IL7: variants seen among roughly 807,000 people sequenced by gnomAD.
The protein encoded by IL7 is interleukin 7, also known as interleukin-7.
In IL7, 3 loss-of-function variants were observed where a neutral mutation model predicts 21.6. The observed-to-expected ratio is 0.14, with a 90% confidence interval of 0.06 to 0.36. The LOEUF is 0.36. IL7 is among the 10% of genes least tolerant of loss of function. The pLI is 1.00. For synonymous variants in IL7, 62 were observed against 68.1 expected (o/e 0.91, Z 0.44); for missense variants, 175 against 200.2 (o/e 0.87, Z 0.76).
chr8:78,689,474 A>C (rs1158796118), intron 3 of IL7: 3 of 1,118,536 alleles, frequency 2.7e-6, no homozygotes, highest in African/African-American at 1.6e-5. Context: ...TATTTTTCTC[A>C]CCTGCTTTTA....
At chr8:78,679,143 A>G (rs982164569) in intron 4 of IL7, 13 of 152,268 alleles carry the variant, frequency 8.5e-5, no homozygotes, top group African/African-American at 3.1e-4. Context: ...AGGATTTGTA[A>G]TCTATATTAT....
chr8:78,737,290 A>G (rs776410604), intron 4 of IL7, among the ~76,000 whole-genome samples: 4 of 152,128 alleles, frequency 2.6e-5, no homozygotes, highest in Non-Finnish European at 4.4e-5. Flanking sequence ...AGTATTTTCA[A>G]CAGTCACAAC....
Position 78,739,429 on chromosome 8 carries a change from C to T in IL7, c.228+573G>A, listed in dbSNP as rs7813852. Among the ~76,000 whole-genome samples, 1,448 of 152,256 alleles carry T rather than the reference C, an allele frequency of 9.5e-3. 19 individuals carry two copies. The highest frequency in any genetic ancestry group is 0.033 in the African/African-American group (1,388 of 41,540). On this transcript the variant is annotated intron_variant, in intron 3 of 5. Coordinates refer to ENST00000263851, the MANE Select transcript of IL7 (RefSeq NM_000880.4). ...AATTTAGAGGCCAGGCACCGTGGCT[C>T]ACGCCTGTAATCCCAGCACTTTGGG...
At chr8:78,753,190 C>G (rs1336449354) in intron 2 of IL7, among the ~76,000 whole-genome samples, 6 of 152,190 alleles carry the variant, frequency 3.9e-5, no homozygotes, top group Non-Finnish European at 7.3e-5. Context: ...CTAATTTACA[C>G]TCCTACAAAC....
downstream of IL7, among the ~76,000 whole-genome samples, chr8:78,731,813 C>T (rs983287245): frequency 6.6e-6 from 1 of 151,852 alleles, no homozygotes; most frequent in African/African-American, 2.4e-5. Context: ...CTGTTTGAGT[C>T]CAATTTTTCT....
intron 2 of IL7, among the ~76,000 whole-genome samples, chr8:78,768,965 C>T (rs1288831044): frequency 6.6e-6 from 1 of 152,138 alleles, no homozygotes; most frequent in African/African-American, 2.4e-5. Context: ...GCAGAAAAGG[C>T]CTTTGACAAA....
chr8:78,698,933 C>A (rs1302841800), intron 3 of IL7, among the ~76,000 whole-genome samples: 1 of 152,148 alleles, frequency 6.6e-6, no homozygotes, highest in Non-Finnish European at 1.5e-5. Context: ...AGCCACATAG[C>A]TGTTAAAGTT....
rs539237874 is a variant in IL7, at chr8:78,733,992, T to C, written c.415-160A>G. On this transcript the variant is annotated intron_variant, in intron 5 of 5. Coordinates refer to ENST00000263851, the MANE Select transcript of IL7 (RefSeq NM_000880.4). ...AAAGACGATGATTTCTAACTATCTT[T>C]GTGATAACTGACATGTAGAAAATTC... Among the ~76,000 whole-genome samples, 15 of 152,286 alleles carry C rather than the reference T, an allele frequency of 9.8e-5. 1 individual carries two copies. In the South Asian group the frequency reaches 3.1e-3, roughly 32 times the overall value.
downstream of IL7, among the ~76,000 whole-genome samples, chr8:78,730,077 T>A (rs945343601): frequency 6.6e-6 from 1 of 152,032 alleles, no homozygotes; most frequent in African/African-American, 2.4e-5. Context: ...TAAATTTTAA[T>A]GTTGCCCCTT....
At chr8:78,728,430 TCAGAA>T (rs1452944464), downstream of IL7, among the ~76,000 whole-genome samples, 1 of 151,968 alleles carries the variant, frequency 6.6e-6, no homozygotes, top group African/African-American at 2.4e-5. Context: ...ACATAGATCA[TCAGAA>T]CAGAGCAGAG....
intron 3 of IL7, among the ~76,000 whole-genome samples, chr8:78,712,517 T>C (rs1810983068): frequency 6.6e-6 from 1 of 152,140 alleles, no homozygotes; most frequent in African/African-American, 2.4e-5. Flanking sequence ...GGTGAACTAT[T>C]ATAAAAAGCC....
chr8:78,693,263 G>A (rs2130521315), intron 3 of IL7, among the ~76,000 whole-genome samples: 1 of 152,066 alleles, frequency 6.6e-6, no homozygotes, highest in South Asian at 2.1e-4. Context: ...GGGATGGCTG[G>A]GTCAAATGGT....
At chr8:78,780,296 T>C (rs532477311) in intron 2 of IL7, among the ~76,000 whole-genome samples, 12 of 152,292 alleles carry the variant, frequency 7.9e-5, no homozygotes, top group Non-Finnish European at 1.6e-4. Context: ...TTGCCCTTGG[T>C]TCTCTAGTTC....
chr8:78,785,432 C>T (rs1813477410), intron 2 of IL7, among the ~76,000 whole-genome samples: 2 of 152,086 alleles, frequency 1.3e-5, no homozygotes, highest in South Asian at 4.2e-4. Context: ...ATTTTTTGTT[C>T]ATTCTTCTTG....
At chr8:78,720,686 A>C (rs1030755071) in intron 5 of IL7, among the ~76,000 whole-genome samples, 2 of 151,906 alleles carry the variant, frequency 1.3e-5, no homozygotes, top group Admixed American at 6.6e-5. Context: ...TGCCCAGCTC[A>C]ACTGGGGCAC....
intron 2 of IL7, among the ~76,000 whole-genome samples, chr8:78,755,767 C>T (rs927578706): frequency 6.6e-6 from 1 of 152,008 alleles, no homozygotes; most frequent in Non-Finnish European, 1.5e-5. Flanking sequence ...ATAATCATGT[C>T]ATCTGCAAAG....
At chr8:78,748,357 A>T (rs1812052447) in intron 2 of IL7, among the ~76,000 whole-genome samples, 1 of 152,198 alleles carries the variant, frequency 6.6e-6, no homozygotes, top group Non-Finnish European at 1.5e-5. Context: ...ATTGCACTTG[A>T]TAGTAAGAGA....
At chr8:78,770,082 C>T (rs532776404) in intron 2 of IL7, among the ~76,000 whole-genome samples, 58 of 152,204 alleles carry the variant, frequency 3.8e-4, no homozygotes, top group African/African-American at 1.4e-3. Flanking sequence ...CATAAAAACC[C>T]TAGAAGAAAA....
intron 2 of IL7, among the ~76,000 whole-genome samples, chr8:78,790,616 G>A (rs1813656268): frequency 6.6e-6 from 1 of 151,994 alleles, no homozygotes; most frequent in Admixed American, 6.6e-5. Flanking sequence ...GACTAGTACG[G>A]GGAAATAAGA....
Sources: allele counts gnomAD v4.1 joint callset (sites outside exome capture counted in the v4.1 genomes callset), GRCh38; gene constraint gnomAD v4.1.1; transcripts MANE v1.5; gene names NCBI Gene and HGNC (gene_info 2026-07-23, HGNC 2026-07-21).